The following CLEC4G variants were observed in gnomAD, a reference collection of about 807,000 sequenced individuals.
CLEC4G encodes the protein C-type lectin superfamily 4, member G.
Under a neutral mutation model 37.0 loss-of-function variants are expected in CLEC4G, and 34 were observed. The ratio of observed to expected loss-of-function variants is 0.92; its 90% CI spans 0.70 to 1.22. CLEC4G has a LOEUF of 1.22. Among genes scored for constraint, CLEC4G ranks in the 50% most tolerant of loss-of-function variants. The probability of loss-of-function intolerance (pLI) is 0.00; values close to 1 mark genes in which losing one functional copy is unlikely to be tolerated. For synonymous variants in CLEC4G, 167 were observed against 165.6 expected (o/e 1.01, Z -0.06); for missense variants, 390 against 392.9 (o/e 0.99, Z 0.06).
In CLEC4G at chr19:7,731,043, C is replaced by T; in HGVS notation, c.266G>A (p.Gly89Glu). 2 of 1,604,672 alleles carry T rather than the reference C, an allele frequency of 1.2e-6. No individual in the cohort carries two copies. Among genetic ancestry groups the T allele is most frequent in the South Asian group, 2.2e-5 (2 of 91,012 alleles). ...AALGALKEEVGDCHSCCSGTQ... is the reference protein window; with the variant it reads ...AALGALKEEVEDCHSCCSGTQ... ...CCCCTCACAGCAGCTGTGGCAGTCTCCGACCTCCTCCTTCAGGGCACCCAG... is the reference window on the plus strand; with the variant it reads ...CCCCTCACAGCAGCTGTGGCAGTCTTCGACCTCCTCCTTCAGGGCACCCAG... Residue 89 changes from glycine (G) to glutamate (E), a missense_variant, in exon 4 of 9, where the codon GGA becomes GAA. Physicochemically the swap from Gly to Glu is moderately conservative, Grantham distance 98. Coordinates refer to ENST00000328853, the MANE Select transcript of CLEC4G (RefSeq NM_198492.4).
In CLEC4G at chr19:7,731,740, C is replaced by G. The variant is rs761983742; in HGVS notation, c.87G>C (p.Arg29Ser). ...GPWGRWVHWS[R>S]RPLFLALAVL... ...CAGCCAGGGCCAAGAAGAGGGGTCT[C>G]CTGCTCCAGTGCACCCAGCGTCCCC... Residue 29 changes from arginine to serine, a missense_variant, in exon 2 of 9, where the codon AGG becomes AGC. Physicochemically the swap from Arg to Ser is moderately radical, Grantham distance 110. Transcript: ENST00000328853. 11 of 1,613,974 alleles carry G rather than the reference C, an allele frequency of 6.8e-6. No homozygotes were observed. The highest frequency in any genetic ancestry group is 1.3e-5 in the African/African-American group (1 of 74,928).
chr19:7,731,482 C>T lies in CLEC4G; in HGVS notation c.167-163G>A, dbSNP rs368923465. On this transcript the variant is annotated intron_variant, in intron 2 of 8. Coordinates refer to ENST00000328853, the MANE Select transcript of CLEC4G (RefSeq NM_198492.4). ...TGGGAGACAAACGCGCGGGGACTCG[C>T]GCACATACGAGCACGCCATGTGCAC... 244 of 1,470,406 alleles carry T rather than the reference C, an allele frequency of 1.7e-4. 1 individual carries two copies. In the South Asian group the frequency reaches 3.0e-3, roughly 18 times the overall value. 91.1% of individuals were successfully genotyped at this position (1,470,406 alleles called of 1,614,324 possible).
Position 7,729,706 on chromosome 19 carries a change from G to A in CLEC4G, c.743+115C>T. ...GAGGACAGTTCCTGGGGTCCAGCCT[G>A]CCCATCCCTAAGTATGGAGCCCCAG... On this transcript the variant is annotated intron_variant, in intron 8 of 8. Coordinates refer to ENST00000328853, the MANE Select transcript of CLEC4G (RefSeq NM_198492.4). 3 of 1,513,264 alleles carry A rather than the reference G, an allele frequency of 2.0e-6. No individual in the cohort carries two copies. In the South Asian group the frequency reaches 3.9e-5, roughly 20 times the overall value. The allele number at this position is 1,513,264 out of a possible 1,614,324, so 93.7% of individuals were successfully genotyped here.
In CLEC4G at chr19:7,732,058, C is replaced by T; in HGVS notation, c.45G>A (p.Glu15=). 2 of 1,606,636 alleles carry T rather than the reference C, an allele frequency of 1.2e-6. No homozygotes were observed. The highest frequency in any genetic ancestry group is 1.7e-6 in the Non-Finnish European group (2 of 1,173,140). ...TCTCCTTGCTCATACCTCCGGGGACCTCCTCGGAGCTGCCGCCCCACTTGC... is the reference window on the plus strand; with the variant it reads ...TCTCCTTGCTCATACCTCCGGGGACTTCCTCGGAGCTGCCGCCCCACTTGC... ...RYSKWGGSSE[E]VPGGPWGRWV... The change falls in exon 1 of 9, where the codon GAG becomes GAA. Residue 15 remains glutamate, a synonymous_variant. Coordinates refer to ENST00000328853, the MANE Select transcript of CLEC4G (RefSeq NM_198492.4).
rs1014021042 is a variant in CLEC4G, at chr19:7,729,422, C to T, written c.826G>A (p.Ala276Thr). The T allele has an allele frequency of 6.2e-7, 1 of 1,602,812 alleles. No individual in the cohort carries two copies. Among genetic ancestry groups the T allele is most frequent in the Non-Finnish European group, 8.5e-7 (1 of 1,169,818 alleles). The part of the protein sequence containing the change: ...MMLHTGLWND[A>T]PCDSEKDGWI... ...CCGTCCTTCTCGCTGTCACACGGTG[C>T]GTCGTTCCACAGCCCCGTGTGCAGC... is the stretch of plus-strand genomic sequence containing the variant. Residue 276 changes from alanine to threonine, a missense_variant, in exon 9 of 9, where the codon GCA becomes ACA. Transcript: ENST00000328853.
Position 7,731,056 on chromosome 19 carries a change from T to C in CLEC4G, c.253A>G (p.Lys85Glu). The part of the protein sequence containing the change: ...SKQTAALGAL[K>E]EEVGDCHSCC... Reference sequence around the variant, plus strand: ...CTGTGGCAGTCTCCGACCTCCTCCTTCAGGGCACCCAGCGCCGCCGTCTGC... The same window carrying C: ...CTGTGGCAGTCTCCGACCTCCTCCTCCAGGGCACCCAGCGCCGCCGTCTGC... Residue 85 changes from lysine to glutamate, a missense_variant, in exon 4 of 9, where the codon AAG becomes GAG. Transcript: ENST00000328853. 2.5e-6 allele frequency: 4 copies of C among 1,605,494 alleles called. No homozygotes were observed. Among genetic ancestry groups the C allele is most frequent in the Non-Finnish European group, 3.4e-6 (4 of 1,179,594 alleles).
chr19:7,730,033 C>A lies in CLEC4G; in HGVS notation c.613G>T (p.Gly205Cys). 1 of 1,600,994 alleles carries A rather than the reference C, an allele frequency of 6.2e-7. No homozygotes were observed. Among genetic ancestry groups the A allele is most frequent in the South Asian group, 1.1e-5 (1 of 89,948 alleles). Reference sequence around the variant, plus strand: ...CCCCTGCGCACCTGCTCATCCAGGCCCCCAACGATCACCAGGTGCGCGCTG... The same window carrying A: ...CCCCTGCGCACCTGCTCATCCAGGCACCCAACGATCACCAGGTGCGCGCTG... ...DASAHLVIVG[G>C]LDEQGFLTRN... Residue 205 changes from glycine to cysteine, a missense_variant, in exon 7 of 9, where the codon GGC becomes TGC. Gly to Cys is a radical substitution (Grantham distance 159). Coordinates refer to ENST00000328853, the MANE Select transcript of CLEC4G (RefSeq NM_198492.4). This position sits in a 1 kb window ranked among gnomAD's most constrained non-coding sequence, Gnocchi z 7.3.
chr19:7,730,176 T>C lies in CLEC4G; in HGVS notation c.479-9A>G. 1 of 1,607,070 alleles carries C rather than the reference T, an allele frequency of 6.2e-7. No homozygotes were observed. The highest frequency in any genetic ancestry group is 1.3e-5 in the African/African-American group (1 of 74,628). ...GCACGGCTCGCAGGAGTCTGCGGGG[T>C]GGCGAGGGTCAGAGAGGTCGCGTGC... is the stretch of plus-strand genomic sequence containing the variant. On this transcript the variant is annotated splice_polypyrimidine_tract_variant and intron_variant, in intron 6 of 8. Coordinates refer to ENST00000328853, the MANE Select transcript of CLEC4G (RefSeq NM_198492.4). This position sits in a 1 kb window ranked among gnomAD's most constrained non-coding sequence, Gnocchi z 7.3.
Position 7,730,106 on chromosome 19 carries a change from A to C in CLEC4G, c.540T>G (p.Ser180=), listed in dbSNP as rs555610194. The change falls in exon 7 of 9, where the codon TCT becomes TCG. Residue 180 remains serine, a synonymous_variant. Coordinates refer to ENST00000328853, the MANE Select transcript of CLEC4G (RefSeq NM_198492.4). This position sits in a 1 kb window ranked among gnomAD's most constrained non-coding sequence, Gnocchi z 7.3. ...LSFEGSCYFF[S]VPKTTWAAAQ... ...CCGCCGCCCACGTCGTCTTTGGCAC[A>C]GAGAAAAAGTAGCAGGAGCCCTCGA... 1.5e-4 allele frequency: 240 copies of C among 1,612,180 alleles called. No individual in the cohort carries two copies. The highest frequency in any genetic ancestry group is 2.0e-4 in the Non-Finnish European group (232 of 1,179,498).
chr19:7,729,513 G>A lies in CLEC4G; in HGVS notation c.744-9C>T, dbSNP rs957350985. On this transcript the variant is annotated splice_polypyrimidine_tract_variant and intron_variant, in intron 8 of 8. Coordinates refer to ENST00000328853, the MANE Select transcript of CLEC4G (RefSeq NM_198492.4). ...CTCCCTGGTTCCAGTGGCTACAGGG[G>A]GGTTGAGTGGGGGTGTTGCTGGGAA... 2.5e-6 allele frequency: 4 copies of A among 1,579,092 alleles called. No individual in the cohort carries two copies. The African/African-American group carries it at 5.4e-5, about 21-fold the overall frequency.
rs556577101 is a variant in CLEC4G, at chr19:7,730,926, C to T, written c.284-67G>A. The T allele has an allele frequency of 0.065, 96,486 of 1,478,638 alleles. 3,369 individuals carry two copies. Among genetic ancestry groups the T allele is most frequent in the Non-Finnish European group, 0.074 (82,542 of 1,117,626 alleles). The allele number at this position is 1,478,638 out of a possible 1,614,324, so 91.6% of individuals were successfully genotyped here. ...GGGCGGGACTTCGGAGACCAGCCCC[C>T]GCCCCGCACCACCCGCCGCAGGCCT... is the stretch of plus-strand genomic sequence containing the variant. On this transcript the variant is annotated intron_variant, in intron 4 of 8. Transcript: ENST00000328853. The surrounding 1 kb of genome is among the most constrained non-coding windows in gnomAD (Gnocchi z 7.3).
rs758992607 is a variant in CLEC4G, at chr19:7,729,233, T to A, written c.*133A>T. ...CTGGACAGGGCTATGTTGGGCCAAG[T>A]GTTTCTGAGACTCAGCAGCGGTGGA... On this transcript the variant is annotated 3_prime_UTR_variant, in exon 9 of 9. Coordinates refer to ENST00000328853, the MANE Select transcript of CLEC4G (RefSeq NM_198492.4). 5.5e-6 allele frequency: 4 copies of A among 729,058 alleles called. No homozygotes were observed. The highest frequency in any genetic ancestry group is 2.5e-6 in the Non-Finnish European group (1 of 403,664). The allele number at this position is 729,058 out of a possible 1,614,324, so 45.2% of individuals were successfully genotyped here.
intron 2 of CLEC4G, 42 bp from the exon 3 acceptor site, chr19:7,731,361 A>G (rs2033430368): frequency 6.5e-7 from 1 of 1,542,992 alleles, no homozygotes; most frequent in Non-Finnish European, 8.7e-7. Context: ...GGAACTCGGG[A>G]ATCCTCCCCT....
intron 8 of CLEC4G, 90 bp downstream of exon 8, chr19:7,729,731 G>A: frequency 1.9e-6 from 3 of 1,560,898 alleles, no homozygotes; most frequent in Non-Finnish European, 2.6e-6. Flanking sequence ...TGGAGCCCCA[G>A]CCGAGGGGTC....
chr19:7,731,014 G>T lies in CLEC4G; in HGVS notation c.283+12C>A. On this transcript the variant is annotated intron_variant, in intron 4 of 8. Transcript: ENST00000328853. ...CATCCCTGCGCCCACAGCCTCGACCGCGCCCCCTCACAGCAGCTGTGGCAG... is the reference window on the plus strand; with the variant it reads ...CATCCCTGCGCCCACAGCCTCGACCTCGCCCCCTCACAGCAGCTGTGGCAG... 6.5e-7 allele frequency: 1 copy of T among 1,539,022 alleles called. No homozygotes were observed.
intron 3 of CLEC4G, 82 bp downstream of exon 3, chr19:7,731,184 G>A (rs1391696777): frequency 1.9e-6 from 3 of 1,576,574 alleles, no homozygotes; most frequent in Admixed American, 1.8e-5. Flanking sequence ...GGGCCCCCAC[G>A]CACTCGAGAC....
At position 7,730,238 on chromosome 19, in the gene CLEC4G, G is replaced by A. The variant is rs2033407302; in HGVS notation, c.479-71C>T. ...ACGCACCGAGAGGATGCAGTGGGTA[G>A]GGGTTCGGCCCCGCGGGCTCAGGGG... On this transcript the variant is annotated intron_variant, in intron 6 of 8. Coordinates refer to ENST00000328853, the MANE Select transcript of CLEC4G (RefSeq NM_198492.4). The surrounding 1 kb of genome is among the most constrained non-coding windows in gnomAD (Gnocchi z 7.3). 7 of 1,584,280 alleles carry A rather than the reference G, an allele frequency of 4.4e-6. No homozygotes were observed. The highest frequency in any genetic ancestry group is 6.0e-6 in the Non-Finnish European group (7 of 1,167,214).
chr19:7,730,795 C>G lies in CLEC4G; in HGVS notation c.348G>C (p.Leu116=), dbSNP rs189279835. 1.5e-3 allele frequency: 2,348 copies of G among 1,532,744 alleles called. 17 individuals carry two copies. The East Asian group carries it at 0.026, about 17-fold the overall frequency. The allele number at this position is 1,532,744 out of a possible 1,614,324, so 94.9% of individuals were successfully genotyped here. A position where few individuals can be genotyped will look rare whatever the true frequency, so the allele number is the denominator to read the frequency against. The change falls in exon 5 of 9, where the codon CTG becomes CTC. Residue 116 remains leucine (L), a synonymous_variant. Coordinates refer to ENST00000328853, the MANE Select transcript of CLEC4G (RefSeq NM_198492.4). This position sits in a 1 kb window ranked among gnomAD's most constrained non-coding sequence, Gnocchi z 7.3. ...CCCGCAGGGCGCTCTCCTGCTCCAT[C>G]AGCTTCGCCTGCGCCTCCCCAAGCT... is the stretch of plus-strand genomic sequence containing the variant. ...RAELGEAQAK[L]MEQESALREL...
Position 7,729,324 on chromosome 19 carries a change from C to G in CLEC4G, c.*42G>C, listed in dbSNP as rs199893054. On this transcript the variant is annotated 3_prime_UTR_variant, in exon 9 of 9. Coordinates refer to ENST00000328853, the MANE Select transcript of CLEC4G (RefSeq NM_198492.4). ...AGGGAGGTGAGCAGCCCCCAGGATACGACATGCTGCAATGGGCGCGGCTCC... is the reference window on the plus strand; with the variant it reads ...AGGGAGGTGAGCAGCCCCCAGGATAGGACATGCTGCAATGGGCGCGGCTCC... The G allele has an allele frequency of 1.8e-4, 249 of 1,420,066 alleles. 1 individual carries two copies. In the African/African-American group the frequency reaches 3.0e-3, roughly 17 times the overall value. 88.0% of individuals were successfully genotyped at this position (1,420,066 alleles called of 1,614,324 possible).
Sources: gnomAD v4.1 joint callset for allele counts on GRCh38, gnomAD v4.1.1 for gene constraint, Gnocchi (gnomAD v3.1) non-coding constraint, MANE v1.5 for transcripts, NCBI Gene and HGNC (gene_info 2026-07-23, HGNC 2026-07-21) for gene names.